Variants in DMD observed in about 807,000 individuals in gnomAD.
The protein encoded by DMD is mutant dystrophin.
DMD carries 63 observed loss-of-function variants against 330.1 expected under a neutral mutation model. That is an observed-to-expected ratio of 0.19 (90% CI 0.16 to 0.24). DMD has a LOEUF of 0.24. Ranked by LOEUF, DMD falls within the 10% of genes least tolerant of loss-of-function variation. DMD has a pLI of 1.00. For synonymous variants in DMD, 1,223 were observed against 959.8 expected (o/e 1.27, Z -5.07); for missense variants, 3,344 against 2,684.1 (o/e 1.25, Z -5.43).
chrX:32,736,560 T>C (rs1351240216), intron 7 of DMD, among the ~76,000 whole-genome samples: 1 of 110,668 alleles, frequency 9.0e-6, no homozygotes, highest in Non-Finnish European at 1.9e-5. Context: ...ATGTGGCACA[T>C]ATACACCATG....
chrX:32,312,323 G>C (rs1325578), intron 41 of DMD, among the ~76,000 whole-genome samples: 57,254 of 109,600 alleles, frequency 0.52, 11,977 homozygotes, highest in South Asian at 0.79. Flanking sequence ...ATTCTAAGAT[G>C]TTTTTATCTA....
At chrX:32,883,823 C>CAAAAAA (rs56150142) in intron 2 of DMD, among the ~76,000 whole-genome samples, 50 of 30,327 alleles carry the variant, frequency 1.6e-3, no homozygotes, top group African/African-American at 2.9e-3. Context: ...GACTCTGTTT[C>CAAAAAA]AAAAAAAAAA....
chrX:32,380,764 TTC>T lies in DMD; in HGVS notation c.4675-86_4675-85del, dbSNP rs1307598251. 8.0e-6 allele frequency: 6 copies of T among 750,884 alleles called. No individual in the cohort carries two copies. The African/African-American group carries it at 1.1e-4, about 13-fold the overall frequency. 61.9% of individuals were successfully genotyped at this position (750,884 alleles called of 1,213,427 possible). On this transcript the variant is annotated intron_variant, in intron 33 of 78. Coordinates refer to ENST00000357033, the MANE Select transcript of DMD (RefSeq NM_004006.3). ...AACCACTTATTTGGAACTTTTATAT[TTC>T]TGTTATTTAAAATAACTATTTTCTT...
intron 13 of DMD, among the ~76,000 whole-genome samples, chrX:32,580,198 G>A (rs2053509965): frequency 9.0e-6 from 1 of 110,627 alleles, no homozygotes; most frequent in Admixed American, 9.7e-5. Flanking sequence ...CTTCCTTATC[G>A]TTTTATACCT....
chrX:31,916,411 T>A (rs1392785716), intron 47 of DMD, among the ~76,000 whole-genome samples: 2 of 112,089 alleles, frequency 1.8e-5, no homozygotes, highest in African/African-American at 6.5e-5. Flanking sequence ...AGTTAAGAGT[T>A]CTTAAATAAT....
At chrX:33,234,062 T>C (rs1246708475) in intron 1 of DMD, among the ~76,000 whole-genome samples, 3 of 111,941 alleles carry the variant, frequency 2.7e-5, no homozygotes, top group Admixed American at 9.5e-5. Context: ...AATGCAGATA[T>C]GAAGCCAGAG....
intron 50 of DMD, among the ~76,000 whole-genome samples, chrX:31,792,819 C>G (rs1215061500): frequency 9.0e-6 from 1 of 111,728 alleles, no homozygotes; most frequent in Non-Finnish European, 1.9e-5. Flanking sequence ...CATCCACGGA[C>G]AGCTTAGGCG....
intron 1 of DMD, among the ~76,000 whole-genome samples, chrX:33,113,429 G>A (rs1237461586): frequency 8.9e-6 from 1 of 112,054 alleles, no homozygotes; most frequent in East Asian, 2.8e-4. Context: ...AATAGTTTTT[G>A]ATGTAAAAAT....
intron 11 of DMD, among the ~76,000 whole-genome samples, chrX:32,625,497 A>AT (rs1232408248): frequency 2.7e-5 from 3 of 112,141 alleles, no homozygotes; most frequent in African/African-American, 9.7e-5. Context: ...ATCCATACCA[A>AT]TTTATTTTGT....
chrX:32,527,437 G>A (rs2047024455), intron 17 of DMD, among the ~76,000 whole-genome samples: 1 of 110,175 alleles, frequency 9.1e-6, no homozygotes, highest in African/African-American at 3.3e-5. Context: ...CCAACCATTT[G>A]AAGATGACCT....
Position 32,673,803 on chromosome X carries a change from A to G in DMD, c.960+24067T>C, listed in dbSNP as rs147343015. On this transcript the variant is annotated intron_variant, in intron 9 of 78. Transcript: ENST00000357033. ...TCAGTCAGGGGATTGTGCAAAGCAC[A>G]GAGGCCTCTTAAAGATGTCAAAAGA... is the stretch of plus-strand genomic sequence containing the variant. Among the ~76,000 whole-genome samples, 73 of 112,326 alleles carry G rather than the reference A, an allele frequency of 6.5e-4. No homozygotes were observed. The East Asian group carries it at 0.018, about 28-fold the overall frequency.
At position 32,501,791 on chromosome X, in the gene DMD, T is replaced by G. The variant is rs886043764; in HGVS notation, c.2344A>C (p.Arg782=). 2.5e-6 allele frequency: 3 copies of G among 1,208,395 alleles called. No individual in the cohort carries two copies. Among genetic ancestry groups the G allele is most frequent in the Non-Finnish European group, 3.4e-6 (3 of 894,302 alleles). The change falls in exon 19 of 79, where the codon AGA becomes CGA. Residue 782 remains arginine (R), a synonymous_variant. Transcript: ENST00000357033. ...TGTTCCACCAGGGCCTGAGCTGATC[T>G]GCTGGCATCTTGCAGTTTTCTGAAC... ...EKFRKLQDAS[R]SAQALVEQMV... is the part of the protein sequence containing the mutation.
At chrX:32,531,436 C>G (rs2047468827) in intron 17 of DMD, among the ~76,000 whole-genome samples, 1 of 111,603 alleles carries the variant, frequency 9.0e-6, no homozygotes, top group South Asian at 3.7e-4. Context: ...AAATTATACT[C>G]CTAAATCACC....
chrX:32,647,834 A>C (rs1440062249), intron 9 of DMD, among the ~76,000 whole-genome samples: 1 of 112,262 alleles, frequency 8.9e-6, no homozygotes, highest in Non-Finnish European at 1.9e-5. Flanking sequence ...TTACCTTCTT[A>C]AGTCACTGTT....
chrX:31,179,775 T>C (rs2040958335), intron 69 of DMD, among the ~76,000 whole-genome samples: 1 of 111,808 alleles, frequency 8.9e-6, no homozygotes, highest in African/African-American at 3.3e-5. Flanking sequence ...TGGCTTCAAC[T>C]CTTACTTATA....
intron 8 of DMD, 68 bp from the exon 9 acceptor site, chrX:32,698,066 T>G: frequency 9.3e-7 from 1 of 1,073,270 alleles, no homozygotes; most frequent in Non-Finnish European, 1.3e-6. Flanking sequence ...CCGAAAGGAC[T>G]ACTTTCCAAC....
intron 56 of DMD, among the ~76,000 whole-genome samples, chrX:31,504,091 G>A (rs935935376): frequency 1.8e-5 from 2 of 111,244 alleles, no homozygotes; most frequent in Admixed American, 1.9e-4. Flanking sequence ...ATGAATGAGG[G>A]AGATATGGAG....
chrX:31,350,551 G>A (rs776997678), intron 60 of DMD, among the ~76,000 whole-genome samples: 55 of 109,032 alleles, frequency 5.0e-4, no homozygotes, highest in African/African-American at 1.8e-3. Flanking sequence ...TTAATGACTA[G>A]TTGACCAAAC....
intron 45 of DMD, among the ~76,000 whole-genome samples, chrX:31,960,380 T>C (rs1335148875): frequency 3.6e-5 from 4 of 111,231 alleles, no homozygotes; most frequent in African/African-American, 1.3e-4. Flanking sequence ...AGTTTATATG[T>C]AGAAAATGAA....
Sources: allele counts gnomAD v4.1 joint callset (sites outside exome capture counted in the v4.1 genomes callset), GRCh38; gene constraint gnomAD v4.1.1; transcripts MANE v1.5; gene names NCBI Gene and HGNC (gene_info 2026-07-23, HGNC 2026-07-21).